The following MAP4K5 variants were observed in gnomAD, a reference collection of about 807,000 sequenced individuals.
The protein encoded by MAP4K5 is MAPK/ERK kinase kinase kinase 5.
In MAP4K5, 82 loss-of-function variants were observed where a neutral mutation model predicts 135.6. That is an observed-to-expected ratio of 0.60 (90% CI 0.51 to 0.73). The LOEUF is 0.73. Among genes scored for constraint, MAP4K5 ranks in the 30% least tolerant of loss-of-function variants. The probability of loss-of-function intolerance (pLI) is 0.00; values close to 1 mark genes in which losing one functional copy is unlikely to be tolerated. For synonymous variants in MAP4K5, 347 were observed against 335.0 expected, an observed-to-expected ratio of 1.04 and a Z score of -0.39; for missense variants, 907 against 1,010.9, an observed-to-expected ratio of 0.90 and a Z score of 1.39.
intron 8 of MAP4K5, among the ~76,000 whole-genome samples, chr14:50,475,782 T>C (rs1170062752): frequency 1.3e-5 from 2 of 152,218 alleles, no homozygotes; most frequent in Non-Finnish European, 2.9e-5. Context: ...TTTTTGTCAT[T>C]TAACACACCA....
chr14:50,480,153 T>C (rs1045354474), intron 6 of MAP4K5, among the ~76,000 whole-genome samples: 12 of 151,966 alleles, frequency 7.9e-5, no homozygotes, highest in Non-Finnish European at 1.0e-4. Context: ...CTAAGCTTCA[T>C]ATTGGTTTTT....
chr14:50,509,088 C>T lies in MAP4K5; in HGVS notation c.109-4231G>A, dbSNP rs949699486. Among the ~76,000 whole-genome samples, 24 of 152,058 alleles carry T rather than the reference C, an allele frequency of 1.6e-4. No individual in the cohort carries two copies. The East Asian group carries it at 3.3e-3, about 21-fold the overall frequency. Reference sequence around the variant, plus strand: ...AGAGTTCATGTCCTTTGCAGGGACACAGATGAAGCTGGAAACCATCATTCT... The same window carrying T: ...AGAGTTCATGTCCTTTGCAGGGACATAGATGAAGCTGGAAACCATCATTCT... On this transcript the variant is annotated intron_variant, in intron 2 of 32. Transcript: ENST00000682126.
chr14:50,466,788 T>G (rs1308071302), intron 10 of MAP4K5, 143 bp from the exon 11 acceptor site: 2 of 475,990 alleles, frequency 4.2e-6, no homozygotes, highest in African/African-American at 3.9e-5. Context: ...AAATTAAATT[T>G]TTAATATTTT....
chr14:50,462,821 A>G, intron 12 of MAP4K5, 40 bp from the exon 13 acceptor site: 2 of 1,142,966 alleles, frequency 1.7e-6, no homozygotes, highest in Non-Finnish European at 2.7e-6. Context: ...GTATGCCTTT[A>G]CATCTATGGC....
At chr14:50,558,655 T>G (rs2038794723) in intron 1 of MAP4K5, among the ~76,000 whole-genome samples, 1 of 152,230 alleles carries the variant, frequency 6.6e-6, no homozygotes, top group African/African-American at 2.4e-5. Context: ...TTTTTCTTTT[T>G]TGTGTGTAAT....
At chr14:50,458,246 A>G (rs999990537) in intron 13 of MAP4K5, among the ~76,000 whole-genome samples, 5 of 152,186 alleles carry the variant, frequency 3.3e-5, no homozygotes, top group Admixed American at 1.3e-4. Context: ...ATGGAAGAGC[A>G]GTGTTGCTTC....
rs1255575355 is a variant in MAP4K5 at position 50,434,548 on chromosome 14, A to T, written c.2010T>A (p.Ser670Arg). Residue 670 changes from serine to arginine, a missense_variant, in exon 28 of 33, where the codon AGT becomes AGA. Ser to Arg is a moderately radical substitution (Grantham distance 110). Coordinates refer to ENST00000682126, the MANE Select transcript of MAP4K5 (RefSeq NM_006575.6). ...CCAGCATTTCAAAAACATTCAAAGGACTTGGCAAAGGAAAATCAAAGTGCT... is the reference window on the plus strand; with the variant it reads ...CCAGCATTTCAAAAACATTCAAAGGTCTTGGCAAAGGAAAATCAAAGTGCT... ...LIKHFDFPLP[S>R]PLNVFEMLVI... 4 of 1,595,090 alleles carry T rather than the reference A, an allele frequency of 2.5e-6. No homozygotes were observed. The highest frequency in any genetic ancestry group is 3.4e-6 in the Non-Finnish European group (4 of 1,170,300).
chr14:50,434,816 C>T lies in MAP4K5; in HGVS notation c.1986+146G>A, dbSNP rs1445627654. The stretch of plus-strand genomic sequence containing the variant: ...TCAGTTAAAGAGTAAATCCTAAGAA[C>T]ACAAAAACCTCTAAATCAAATAAAC... On this transcript the variant is annotated intron_variant, in intron 27 of 32. Coordinates refer to ENST00000682126, the MANE Select transcript of MAP4K5 (RefSeq NM_006575.6). 3 of 644,058 alleles carry T rather than the reference C, an allele frequency of 4.7e-6. No individual in the cohort carries two copies. In the South Asian group the frequency reaches 6.8e-5, roughly 15 times the overall value. The allele number at this position is 644,058 out of a possible 1,614,324, so 39.9% of individuals were successfully genotyped here.
intron 1 of MAP4K5, among the ~76,000 whole-genome samples, chr14:50,556,118 G>C (rs1367305031): frequency 6.6e-6 from 1 of 152,136 alleles, no homozygotes; most frequent in African/African-American, 2.4e-5. Context: ...CTTTTATTCT[G>C]ATTTAAAATG....
chr14:50,522,295 G>A (rs1197437750), intron 2 of MAP4K5, among the ~76,000 whole-genome samples: 45 of 151,550 alleles, frequency 3.0e-4, no homozygotes, highest in Non-Finnish European at 4.4e-5. Context: ...CACTAGTGAC[G>A]GCACTGTTTT....
At position 50,468,227 on chromosome 14, in the gene MAP4K5, T is replaced by C. The variant is rs185138717; in HGVS notation, c.674+424A>G. 5.3e-5 allele frequency among the ~76,000 whole-genome samples: 8 copies of C among 152,282 alleles called. No homozygotes were observed. In the East Asian group the frequency reaches 5.8e-4, roughly 11 times the overall value. ...CACATAGGACAAAAAAAAAGATCAA[T>C]TGATAAAAGAATGAACATGAAGACT... On this transcript the variant is annotated intron_variant, in intron 10 of 32. Coordinates refer to ENST00000682126, the MANE Select transcript of MAP4K5 (RefSeq NM_006575.6).
At chr14:50,480,951 T>C (rs941833699) in intron 6 of MAP4K5, among the ~76,000 whole-genome samples, 4 of 152,182 alleles carry the variant, frequency 2.6e-5, no homozygotes, top group African/African-American at 9.7e-5. Flanking sequence ...CTGTTGTATA[T>C]GTAGCCCATT....
intron 23 of MAP4K5, 95 bp downstream of exon 23, chr14:50,439,918 T>A: frequency 8.3e-7 from 1 of 1,204,772 alleles, no homozygotes; most frequent in Admixed American, 3.1e-5. Context: ...TAGATTATAG[T>A]CATCCAGAAT....
intron 26 of MAP4K5, 72 bp from the exon 27 acceptor site, chr14:50,435,137 C>T: frequency 1.4e-6 from 1 of 718,274 alleles, no homozygotes; most frequent in South Asian, 2.3e-5. Context: ...TATCTGTTAA[C>T]CAGGATGACA....
intron 3 of MAP4K5, among the ~76,000 whole-genome samples, chr14:50,501,427 A>T (rs1051586072): frequency 2.7e-4 from 41 of 152,198 alleles, no homozygotes; most frequent in Admixed American, 8.5e-4. Flanking sequence ...AATTTTTTTT[A>T]AAATTTAAGA....
upstream of MAP4K5, among the ~76,000 whole-genome samples, chr14:50,533,585 C>T (rs1384955089): frequency 1.3e-5 from 2 of 152,064 alleles, no homozygotes; most frequent in African/African-American, 2.4e-5. Context: ...GCCAGTGTTA[C>T]ATTATACTGG....
At chr14:50,537,237 G>T (rs539650596), upstream of MAP4K5, among the ~76,000 whole-genome samples, 166 of 152,354 alleles carry the variant, frequency 1.1e-3, 1 homozygote, top group Admixed American at 3.8e-3. Context: ...TTCAGAGGGT[G>T]CAAGCCTCCA....
intron 32 of MAP4K5, among the ~76,000 whole-genome samples, chr14:50,422,719 A>G (rs536627311): frequency 5.3e-5 from 8 of 152,278 alleles, no homozygotes; most frequent in African/African-American, 1.9e-4. Context: ...TTTAACTTAG[A>G]TTAACTTTAG....
intron 14 of MAP4K5, among the ~76,000 whole-genome samples, chr14:50,450,838 G>A (rs778883510): frequency 1.2e-4 from 18 of 152,010 alleles, no homozygotes; most frequent in Non-Finnish European, 2.4e-4. Context: ...AAAGAAAGAG[G>A]ATAAAATCCA....
Sources: allele counts gnomAD v4.1 joint callset (sites outside exome capture counted in the v4.1 genomes callset), GRCh38; gene constraint gnomAD v4.1.1; transcripts MANE v1.5; gene names NCBI Gene and HGNC (gene_info 2026-07-23, HGNC 2026-07-21).